Variants in TSPEAR observed in about 807,000 individuals in gnomAD.
The protein encoded by TSPEAR is thrombospondin type laminin G domain and EAR repeats.
A neutral mutation model predicts 71.6 loss-of-function variants in TSPEAR; 69 were observed. The ratio of observed to expected loss-of-function variants is 0.96; its 90% CI spans 0.79 to 1.18. The LOEUF is 1.18. Among genes scored for constraint, TSPEAR ranks in the 50% most tolerant of loss-of-function variants. The pLI is 0.00. For synonymous variants in TSPEAR, 402 were observed against 387.2 expected (o/e 1.04, Z -0.45); for missense variants, 971 against 894.9 (o/e 1.09, Z -1.09).
intron 1 of TSPEAR, chr21:44,697,863 G>A: frequency 6.2e-7 from 1 of 1,603,608 alleles, no homozygotes; most frequent in Non-Finnish European, 8.5e-7. Context: ...ACCTCCTCCT[G>A]CCAGCCAAGC....
At chr21:44,574,527 C>T (rs1555923437) in intron 1 of TSPEAR, 3 of 1,609,790 alleles carry the variant, frequency 1.9e-6, no homozygotes, top group Admixed American at 1.7e-5. Context: ...GTCTAGCTGC[C>T]AGCCGGCTTG....
intron 2 of TSPEAR, among the ~76,000 whole-genome samples, chr21:44,537,952 C>T (rs1026085938): frequency 1.3e-5 from 2 of 152,172 alleles, no homozygotes; most frequent in African/African-American, 2.4e-5. Flanking sequence ...CAGGCTGAGC[C>T]GGGGTCACGC....
intron 6 of TSPEAR, among the ~76,000 whole-genome samples, chr21:44,528,225 C>G (rs919068189): frequency 6.6e-6 from 1 of 152,148 alleles, no homozygotes; most frequent in Non-Finnish European, 1.5e-5. Context: ...CTGAGGAGGG[C>G]CTGTGGCTGA....
intron 1 of TSPEAR, among the ~76,000 whole-genome samples, chr21:44,595,422 T>C (rs372562803): frequency 5.3e-5 from 8 of 152,352 alleles, no homozygotes; most frequent in Admixed American, 2.0e-4. Flanking sequence ...AATCAATGCA[T>C]AGACATGTCT....
At chr21:44,707,313 G>A (rs1987980272) in intron 1 of TSPEAR, among the ~76,000 whole-genome samples, 2 of 151,030 alleles carry the variant, frequency 1.3e-5, no homozygotes, top group African/African-American at 2.4e-5. Context: ...GGGGGGGGGT[G>A]CGGGGAGAGA....
chr21:44,702,146 A>C (rs1987679018), intron 1 of TSPEAR: 1 of 1,294,098 alleles, frequency 7.7e-7, no homozygotes, highest in Non-Finnish European at 1.1e-6. Flanking sequence ...ACAGGGGTGG[A>C]GACTGAAGCG....
At chr21:44,658,423 C>G (rs1555943041) in intron 1 of TSPEAR, 2 of 645,204 alleles carry the variant, frequency 3.1e-6, no homozygotes, top group Non-Finnish European at 4.8e-6. Context: ...TGATTCAGAC[C>G]TTCCATGACC....
At position 44,631,520 on chromosome 21, in the gene TSPEAR, C is replaced by T. The variant is rs1145023; in HGVS notation, c.83-63515G>A. Among the ~76,000 whole-genome samples the T allele has an allele frequency of 3.4e-4, 52 of 152,124 alleles. No homozygotes were observed. In the East Asian group the frequency reaches 5.0e-3, roughly 15 times the overall value. ...TCATTTGAGGTTGGGAGTTTGAGAACGGCCTGGGGCAACATAGTGAAACCC... is the reference window on the plus strand; with the variant it reads ...TCATTTGAGGTTGGGAGTTTGAGAATGGCCTGGGGCAACATAGTGAAACCC... On this transcript the variant is annotated intron_variant, in intron 1 of 11. Coordinates refer to ENST00000323084, the MANE Select transcript of TSPEAR (RefSeq NM_144991.3).
chr21:44,634,970 T>C lies in TSPEAR; in HGVS notation c.83-66965A>G, dbSNP rs587728088. Among the ~76,000 whole-genome samples, 88 of 152,244 alleles carry C rather than the reference T, an allele frequency of 5.8e-4. 1 individual carries two copies. The South Asian group carries it at 6.4e-3, about 11-fold the overall frequency. ...CGTCCTCAAAATGTAAACATGGAAT[T>C]CCATACAACTCATCAGTTCCCACTC... On this transcript the variant is annotated intron_variant, in intron 1 of 11. Coordinates refer to ENST00000323084, the MANE Select transcript of TSPEAR (RefSeq NM_144991.3).
intron 9 of TSPEAR, among the ~76,000 whole-genome samples, chr21:44,516,955 CTCGCTCCTGCACCCTGGGGCTT>C (rs2052593117): frequency 2.0e-5 from 3 of 152,192 alleles, no homozygotes. Flanking sequence ...GCAGGAGCCC[CTCGCTCCTGCACCCTGGGGCTT>C]TCGGTCCTGT....
intron 1 of TSPEAR, among the ~76,000 whole-genome samples, chr21:44,610,562 A>G (rs1209746334): frequency 6.6e-6 from 1 of 152,224 alleles, no homozygotes; most frequent in Non-Finnish European, 1.5e-5. Context: ...TGGGGCCCTC[A>G]TGGAGAACCT....
intron 1 of TSPEAR, among the ~76,000 whole-genome samples, chr21:44,661,281 C>CAAAAA (rs10572767): frequency 1.3e-4 from 10 of 79,692 alleles, no homozygotes; most frequent in Admixed American, 1.6e-4. Context: ...GACTCCGTCT[C>CAAAAA]AAAAAAAAAA....
chr21:44,561,801 G>C (rs233256), intron 2 of TSPEAR, among the ~76,000 whole-genome samples: 141,583 of 152,266 alleles, frequency 0.93, 65,980 homozygotes, highest in Non-Finnish European at 0.96. Flanking sequence ...TAAAAACTCT[G>C]AATAAACTAG....
At chr21:44,682,953 T>C (rs1986681174) in intron 1 of TSPEAR, among the ~76,000 whole-genome samples, 1 of 152,150 alleles carries the variant, frequency 6.6e-6, no homozygotes, top group African/African-American at 2.4e-5. Flanking sequence ...GGGGCAGGGC[T>C]GTGCATTCCC....
chr21:44,542,694 C>G (rs1308896587), intron 2 of TSPEAR, among the ~76,000 whole-genome samples: 7 of 133,792 alleles, frequency 5.2e-5, no homozygotes, highest in Non-Finnish European at 9.2e-5. Context: ...TGCAGTGAGC[C>G]AAGATTGCAC....
In TSPEAR at chr21:44,523,071, CAGTT is replaced by C. The variant is rs112359617; in HGVS notation, c.1337-963_1337-960del. ...TTTGTCAGTCAGCCAGGTAGTTAGT[CAGTT>C]AGTCAGTCAGTCAGCCAGCCAGCCA... On this transcript the variant is annotated intron_variant, in intron 8 of 11. Transcript: ENST00000323084. Among the ~76,000 whole-genome samples the C allele has an allele frequency of 4.5e-3, 634 of 141,922 alleles. 5 individuals are homozygous for C. Among genetic ancestry groups the C allele is most frequent in the African/African-American group, 0.017 (559 of 32,182 alleles). The allele number at this position is 141,922 out of a possible 152,430, so 93.1% of individuals were successfully genotyped here. A position where few individuals can be genotyped will look rare whatever the true frequency, so the allele number is the denominator to read the frequency against.
chr21:44,592,569 T>G, intron 1 of TSPEAR: 1 of 1,530,910 alleles, frequency 6.5e-7, no homozygotes, highest in Admixed American at 2.0e-5. Context: ...GGCCTTGTTG[T>G]CCCCGGGCCC....
Position 44,601,857 on chromosome 21 carries a change from T to C in TSPEAR, c.83-33852A>G. The stretch of plus-strand genomic sequence containing the variant: ...CCTGCAGTGGACGTCAGTGGTCAGC[T>C]GGCCATCCAGTGTGCGCTTCTCCTC... On this transcript the variant is annotated intron_variant, in intron 1 of 11. Transcript: ENST00000323084. The C allele has an allele frequency of 2.2e-6, 3 of 1,360,406 alleles. No homozygotes were observed. In the South Asian group the frequency reaches 4.4e-5, roughly 20 times the overall value. 84.3% of individuals were successfully genotyped at this position (1,360,406 alleles called of 1,614,324 possible).
At chr21:44,513,391 T>C (rs1555912969) in intron 9 of TSPEAR, among the ~76,000 whole-genome samples, 1 of 152,198 alleles carries the variant, frequency 6.6e-6, no homozygotes, top group African/African-American at 2.4e-5. Context: ...CTCCCAGATT[T>C]TAAGCACATT....
Sources: gnomAD v4.1 joint callset for allele counts (sites outside exome capture counted in the v4.1 genomes callset) on GRCh38, gnomAD v4.1.1 for gene constraint, MANE v1.5 for transcripts, NCBI Gene and HGNC (gene_info 2026-07-23, HGNC 2026-07-21) for gene names.